The following COBL variants were observed in gnomAD, a reference collection of about 807,000 sequenced individuals.
COBL encodes protein cordon-bleu.
In COBL, 51 loss-of-function variants were observed where a neutral mutation model predicts 98.8. That is an observed-to-expected ratio of 0.52 (90% CI 0.41 to 0.65). The LOEUF (loss-of-function observed/expected upper bound fraction) is 0.65. Ranked by LOEUF, COBL falls within the 30% of genes least tolerant of loss-of-function variation. COBL has a pLI of 0.00. For synonymous variants in COBL, 634 were observed against 651.7 expected, an observed-to-expected ratio of 0.97 and a Z score of 0.41; for missense variants, 1,617 against 1,617.5, an observed-to-expected ratio of 1.00 and a Z score of 0.01.
intron 1 of COBL, among the ~76,000 whole-genome samples, chr7:51,223,390 T>G (rs1208900317): frequency 3.3e-5 from 5 of 152,270 alleles, no homozygotes; most frequent in African/African-American, 1.2e-4. Flanking sequence ...TGCCTGGACA[T>G]CTTCACAGTA....
At chr7:51,167,482 T>G (rs1468592177) in intron 5 of COBL, among the ~76,000 whole-genome samples, 1 of 152,080 alleles carries the variant, frequency 6.6e-6, no homozygotes, top group Non-Finnish European at 1.5e-5. Flanking sequence ...GCTTATGTAT[T>G]GCTAAAATTT....
intron 1 of COBL, among the ~76,000 whole-genome samples, chr7:51,241,861 A>G (rs1032725323): frequency 6.6e-6 from 1 of 152,208 alleles, no homozygotes; most frequent in Admixed American, 6.5e-5. Flanking sequence ...ATGGGATAAG[A>G]TAACACAGGT....
intron 1 of COBL, among the ~76,000 whole-genome samples, chr7:51,299,384 G>T (rs1186183737): frequency 2.0e-5 from 3 of 152,228 alleles, no homozygotes; most frequent in African/African-American, 7.2e-5. Context: ...AATCAATGGA[G>T]ACTATGGACA....
chr7:51,097,038 A>G (rs997304873), intron 6 of COBL, among the ~76,000 whole-genome samples: 12 of 152,236 alleles, frequency 7.9e-5, no homozygotes, highest in Non-Finnish European at 1.6e-4. Flanking sequence ...AGATAGTATA[A>G]GAAAATTACA....
At chr7:51,129,825 G>A (rs73697809) in intron 6 of COBL, among the ~76,000 whole-genome samples, 2,421 of 152,272 alleles carry the variant, frequency 0.016, 69 homozygotes, top group African/African-American at 0.055. Flanking sequence ...CAACTGTGAC[G>A]TGAGGCCAGC....
intron 6 of COBL, among the ~76,000 whole-genome samples, chr7:51,097,133 A>C (rs1795336993): frequency 6.6e-6 from 1 of 152,230 alleles, no homozygotes; most frequent in Admixed American, 6.5e-5. Flanking sequence ...TAAAAGGATT[A>C]TACACTACAA....
intron 1 of COBL, among the ~76,000 whole-genome samples, chr7:51,261,385 T>C (rs1205702422): frequency 6.6e-6 from 1 of 152,232 alleles, no homozygotes; most frequent in East Asian, 1.9e-4. Flanking sequence ...ACCTCACCTG[T>C]CATATTCATG....
In COBL at chr7:51,043,541, G is replaced by T; in HGVS notation, c.1248C>A (p.Ile416=). The T allele has an allele frequency of 6.2e-7, 1 of 1,614,226 alleles. No homozygotes were observed. The highest frequency in any genetic ancestry group is 2.2e-5 in the East Asian group (1 of 44,882). ...TGTCCTGCTGCGAGTCCAGAGAGAC[G>T]ATGTCTGAGGGGGAACTCATCACTC... ...DSGVMSSPSD[I]VSLDSQQDSM... The change falls in exon 8 of 13, where the codon ATC becomes ATA. Residue 416 remains isoleucine (I), a synonymous_variant. Coordinates refer to ENST00000265136, the MANE Select transcript of COBL (RefSeq NM_015198.5).
chr7:51,081,930 CT>C (rs1022249647), intron 7 of COBL, among the ~76,000 whole-genome samples: 1 of 151,952 alleles, frequency 6.6e-6, no homozygotes, highest in African/African-American at 2.4e-5. Flanking sequence ...CTAACCCTTC[CT>C]TTTTGAATGC....
intron 1 of COBL, among the ~76,000 whole-genome samples, chr7:51,276,700 G>A (rs1799341711): frequency 6.6e-6 from 1 of 152,152 alleles, no homozygotes; most frequent in Admixed American, 6.5e-5. Context: ...CAGCTGTGTG[G>A]GGCAAAGGGG....
chr7:51,172,466 C>T (rs1448151750), intron 5 of COBL: 1 of 1,288,552 alleles, frequency 7.8e-7, no homozygotes, highest in African/African-American at 1.5e-5. Context: ...GTTCAAACCC[C>T]TTCCTGGGGC....
chr7:51,210,757 T>G (rs907423476), intron 2 of COBL, among the ~76,000 whole-genome samples: 1 of 152,230 alleles, frequency 6.6e-6, no homozygotes, highest in South Asian at 2.1e-4. Context: ...CACACTTTTC[T>G]GGAGCACGTC....
At chr7:51,219,716 C>T (rs772298477) in intron 2 of COBL, 25 bp downstream of exon 2, 41 of 1,607,890 alleles carry the variant, frequency 2.5e-5, no homozygotes, top group Non-Finnish European at 3.1e-5. Flanking sequence ...AGTACAGCGA[C>T]TCCTCCTGCA....
At chr7:51,128,951 T>C (rs955541765) in intron 6 of COBL, among the ~76,000 whole-genome samples, 1 of 152,246 alleles carries the variant, frequency 6.6e-6, no homozygotes, top group African/African-American at 2.4e-5. Flanking sequence ...GATCGTTCTC[T>C]AGCTCTGGCA....
Position 51,147,798 on chromosome 7 carries a change from T to C in COBL, c.784-11467A>G, listed in dbSNP as rs1052978209. On this transcript the variant is annotated intron_variant, in intron 5 of 12. Transcript: ENST00000265136. Reference sequence around the variant, plus strand: ...CAGAGTCTCACTCTGTCATCCAGGCTGGAGTGCAGTGGCGCGATCTCGGCT... The same window carrying C: ...CAGAGTCTCACTCTGTCATCCAGGCCGGAGTGCAGTGGCGCGATCTCGGCT... Among the ~76,000 whole-genome samples the C allele has an allele frequency of 4.0e-5, 6 of 151,802 alleles. No individual in the cohort carries two copies. In the South Asian group the frequency reaches 1.0e-3, roughly 26 times the overall value.
At chr7:51,117,191 T>C (rs1797349693) in intron 6 of COBL, among the ~76,000 whole-genome samples, 1 of 125,738 alleles carries the variant, frequency 8.0e-6, no homozygotes, top group Non-Finnish European at 1.7e-5. Flanking sequence ...CTATGCACAG[T>C]TTTCTTCTTA....
At chr7:51,316,493 G>T (rs973175269) in intron 1 of COBL, 100 bp downstream of exon 1, 3 of 881,960 alleles carry the variant, frequency 3.4e-6, no homozygotes, top group Non-Finnish European at 4.4e-6. Context: ...CCGCTGGGGC[G>T]GCAGAGAGGG....
chr7:51,099,774 AG>A (rs1795651400), intron 6 of COBL, among the ~76,000 whole-genome samples: 1 of 152,186 alleles, frequency 6.6e-6, no homozygotes. Flanking sequence ...AATAATAAAG[AG>A]TCCTTGTCAT....
At chr7:51,201,006 C>T (rs1209835324) in intron 2 of COBL, among the ~76,000 whole-genome samples, 3 of 152,032 alleles carry the variant, frequency 2.0e-5, no homozygotes, top group Middle Eastern at 6.8e-3. Context: ...TTTGGGAGGC[C>T]GAGGCGGGCA....
Sources: gnomAD v4.1 joint callset for allele counts (sites outside exome capture counted in the v4.1 genomes callset) on GRCh38, gnomAD v4.1.1 for gene constraint, MANE v1.5 for transcripts, NCBI Gene and HGNC (gene_info 2026-07-23, HGNC 2026-07-21) for gene names.